The following SOX6 variants were observed in gnomAD, a reference collection of about 807,000 sequenced individuals.
SOX6 encodes the protein SRY-box transcription factor 6.
Under a neutral mutation model 97.8 loss-of-function variants are expected in SOX6, and 11 were observed. The observed-to-expected ratio is 0.11, with a 90% CI of 0.07 to 0.19. SOX6 has a LOEUF of 0.19. Among genes scored for constraint, SOX6 ranks in the 10% least tolerant of loss-of-function variants. SOX6 has a pLI of 1.00. For synonymous variants in SOX6, 360 were observed against 371.4 expected, an observed-to-expected ratio of 0.97 and a Z score of 0.35; for missense variants, 810 against 1,039.5, an observed-to-expected ratio of 0.78 and a Z score of 3.04.
intron 4 of SOX6, among the ~76,000 whole-genome samples, chr11:16,608,097 G>A (rs1000636972): frequency 6.6e-6 from 1 of 152,016 alleles, no homozygotes; most frequent in African/African-American, 2.4e-5. Context: ...AGTACTAGGT[G>A]GGGGAGAGGC....
chr11:16,368,825 T>C (rs1195251413), intron 1 of SOX6, among the ~76,000 whole-genome samples: 2 of 152,142 alleles, frequency 1.3e-5, no homozygotes, highest in East Asian at 1.9e-4. Context: ...TTGCAAATCA[T>C]ATATCTAATA....
intron 3 of SOX6, among the ~76,000 whole-genome samples, chr11:16,261,132 A>T (rs946437651): frequency 3.3e-5 from 5 of 152,190 alleles, no homozygotes; most frequent in Non-Finnish European, 5.9e-5. Context: ...ATACTTTGTT[A>T]TAATTAATTT....
intron 4 of SOX6, among the ~76,000 whole-genome samples, chr11:16,591,205 G>T (rs1350811641): frequency 6.6e-6 from 1 of 152,066 alleles, no homozygotes; most frequent in Admixed American, 6.6e-5. Context: ...TATTATGGTA[G>T]TTTCCAAACC....
At chr11:16,509,126 T>C (rs1025769978) in intron 4 of SOX6, among the ~76,000 whole-genome samples, 5 of 151,966 alleles carry the variant, frequency 3.3e-5, no homozygotes, top group African/African-American at 1.2e-4. Flanking sequence ...ACTCTATACC[T>C]TTTGTACCTT....
chr11:16,304,275 C>T (rs966261105), intron 3 of SOX6, among the ~76,000 whole-genome samples: 2 of 151,920 alleles, frequency 1.3e-5, no homozygotes, highest in African/African-American at 4.8e-5. Context: ...TTTGTGTCTC[C>T]CCCAAAATTT....
At chr11:16,732,534 A>T (rs1848358457) in intron 2 of SOX6, among the ~76,000 whole-genome samples, 1 of 152,222 alleles carries the variant, frequency 6.6e-6, no homozygotes, top group South Asian at 2.1e-4. Context: ...GGCTAGCCAC[A>T]TGCAGAAAAC....
chr11:16,102,527 A>C (rs535992342), intron 7 of SOX6, among the ~76,000 whole-genome samples: 1 of 151,964 alleles, frequency 6.6e-6, no homozygotes, highest in African/African-American at 2.4e-5. Flanking sequence ...AGTAAAAAGA[A>C]TCCTAAAATA....
chr11:16,066,708 T>A (rs1384791044), intron 9 of SOX6, among the ~76,000 whole-genome samples: 1 of 152,070 alleles, frequency 6.6e-6, no homozygotes, highest in Admixed American at 6.6e-5. Context: ...ACAATTGAGC[T>A]CATGGAGATA....
intron 2 of SOX6, among the ~76,000 whole-genome samples, chr11:16,330,606 G>A (rs1856259541): frequency 6.6e-6 from 1 of 152,006 alleles, no homozygotes; most frequent in African/African-American, 2.4e-5. Context: ...TGGTTCATGT[G>A]CCTACCAACT....
At chr11:16,426,936 A>AG (rs1859152761) in intron 1 of SOX6, among the ~76,000 whole-genome samples, 1 of 150,606 alleles carries the variant, frequency 6.6e-6, no homozygotes, top group African/African-American at 2.4e-5. Flanking sequence ...AAAAAAAAAA[A>AG]CTGGATCCCT....
intron 4 of SOX6, among the ~76,000 whole-genome samples, chr11:16,216,600 T>G (rs2134150545): frequency 7.5e-6 from 1 of 133,638 alleles, no homozygotes; most frequent in South Asian, 2.8e-4. Flanking sequence ...AAGCAAATTC[T>G]TCTTTTCAGA....
At position 16,692,694 on chromosome 11, in the gene SOX6, A is replaced by T. The variant is rs192412677; in HGVS notation, n.429+22136T>A. Among the ~76,000 whole-genome samples, 56 of 152,340 alleles carry T rather than the reference A, an allele frequency of 3.7e-4. 1 individual carries two copies. The East Asian group carries it at 0.01, about 28-fold the overall frequency. ...CTCCCCAAAAGGTGTTTTGGTGAAT[A>T]ATATATTTTTCATATCATTACATAT... On this transcript the variant is annotated intron_variant and non_coding_transcript_variant, in intron 3 of 5. Coordinates refer to the SOX6 transcript ENST00000524520.
Position 16,046,497 on chromosome 11 carries a change from C to T in SOX6, c.1623+17G>A. 1.9e-5 allele frequency: 30 copies of T among 1,611,862 alleles called. No homozygotes were observed. The highest frequency in any genetic ancestry group is 2.4e-5 in the Non-Finnish European group (28 of 1,179,074). On this transcript the variant is annotated intron_variant, in intron 12 of 15. Transcript: ENST00000683767. Reference sequence around the variant, plus strand: ...AATAAGTCTAGCAGATCCAGTGACACAAGGAAGCAGTTTTACCTTTTCATT... The same window carrying T: ...AATAAGTCTAGCAGATCCAGTGACATAAGGAAGCAGTTTTACCTTTTCATT...
At chr11:16,008,687 T>C (rs1413942293) in intron 13 of SOX6, among the ~76,000 whole-genome samples, 1 of 152,096 alleles carries the variant, frequency 6.6e-6, no homozygotes, top group Admixed American at 6.6e-5. Context: ...TTTCGGAGCT[T>C]TTAAGACACA....
At chr11:15,992,954 T>C (rs768473394) in intron 13 of SOX6, among the ~76,000 whole-genome samples, 2 of 152,148 alleles carry the variant, frequency 1.3e-5, no homozygotes, top group African/African-American at 2.4e-5. Context: ...TAAGTTTGAA[T>C]TAAACTTAGA....
At chr11:16,516,586 G>T (rs1203028534) in intron 4 of SOX6, among the ~76,000 whole-genome samples, 1 of 151,770 alleles carries the variant, frequency 6.6e-6, no homozygotes, top group Non-Finnish European at 1.5e-5. Flanking sequence ...AGAAGAAATG[G>T]ATAAATTCCT....
At chr11:16,390,428 A>G (rs914461309) in intron 1 of SOX6, among the ~76,000 whole-genome samples, 3 of 152,144 alleles carry the variant, frequency 2.0e-5, no homozygotes, top group East Asian at 3.9e-4. Flanking sequence ...TCCAGAGTCC[A>G]TAGTTGTTAC....
chr11:16,335,336 T>C (rs1160086980), intron 2 of SOX6, among the ~76,000 whole-genome samples: 2 of 152,176 alleles, frequency 1.3e-5, no homozygotes. Flanking sequence ...AGTAACTAAA[T>C]GTCTCAAGAA....
intron 15 of SOX6, among the ~76,000 whole-genome samples, chr11:15,982,467 G>A (rs1853686993): frequency 6.6e-6 from 1 of 151,976 alleles, no homozygotes. Flanking sequence ...TTTTACATCT[G>A]TATCATGGGG....
Sources: gnomAD v4.1 joint callset for allele counts (sites outside exome capture counted in the v4.1 genomes callset) on GRCh38, gnomAD v4.1.1 for gene constraint, MANE v1.5 for transcripts, NCBI Gene and HGNC (gene_info 2026-07-23, HGNC 2026-07-21) for gene names.